The following FAM171A1 variants were observed in gnomAD, a reference collection of about 807,000 sequenced individuals.
FAM171A1 encodes the protein family with sequence similarity 171 member A1, also known as protein FAM171A1.
Under a neutral mutation model 74.9 loss-of-function variants are expected in FAM171A1, and 23 were observed. The observed-to-expected ratio is 0.31, with a 90% CI of 0.22 to 0.44. The LOEUF (loss-of-function observed/expected upper bound fraction) is 0.44. Ranked by LOEUF, FAM171A1 falls within the 20% of genes least tolerant of loss-of-function variation. The pLI is 1.00. For missense variants in FAM171A1, 1,162 were observed against 1,159.2 expected, an observed-to-expected ratio of 1.00 and a Z score of -0.03; for synonymous variants, 527 against 505.7, an observed-to-expected ratio of 1.04 and a Z score of -0.57.
At chr10:15,235,328 AACCTC>A in intron 5 of FAM171A1, among the ~76,000 whole-genome samples, 1 of 142,622 alleles carries the variant, frequency 7.0e-6, no homozygotes, top group South Asian at 2.3e-4. Context: ...AAAAAAAAAA[AACCTC>A]TGATATCCAG....
intron 1 of FAM171A1, among the ~76,000 whole-genome samples, chr10:15,287,531 G>C (rs192207425): frequency 2.3e-4 from 35 of 152,074 alleles, no homozygotes; most frequent in Middle Eastern, 6.8e-3. Flanking sequence ...GGGACTACAG[G>C]CGCCTGCCAC....
intron 6 of FAM171A1, among the ~76,000 whole-genome samples, chr10:15,220,410 T>TA (rs11394967): frequency 0.026 from 3,999 of 152,072 alleles, 166 homozygotes; most frequent in African/African-American, 0.091. Context: ...TAACATAGGT[T>TA]AAAAAAAATA....
chr10:15,288,829 T>TTTTTC (rs1213150350), intron 1 of FAM171A1, among the ~76,000 whole-genome samples: 2 of 136,186 alleles, frequency 1.5e-5, no homozygotes, highest in Non-Finnish European at 1.6e-5. Context: ...TTTTTTTTTT[T>TTTTTC]TTTTTTTTTT....
chr10:15,217,639 ATT>A (rs112034740), intron 6 of FAM171A1, among the ~76,000 whole-genome samples: 3 of 145,240 alleles, frequency 2.1e-5, no homozygotes, highest in Non-Finnish European at 1.5e-5. Context: ...CAGAGAAACA[ATT>A]TTTTTTTTTT....
chr10:15,243,486 G>A (rs968071451), intron 5 of FAM171A1, among the ~76,000 whole-genome samples: 1 of 152,020 alleles, frequency 6.6e-6, no homozygotes, highest in Non-Finnish European at 1.5e-5. Flanking sequence ...AAAGTCCACC[G>A]AGGAAAGCAA....
chr10:15,275,775 T>A, intron 3 of FAM171A1, 80 bp downstream of exon 3: 1 of 925,966 alleles, frequency 1.1e-6, no homozygotes, highest in Non-Finnish European at 1.6e-6. Context: ...AAACATCACA[T>A]CACATTGTAC....
chr10:15,214,233 G>A lies in FAM171A1; in HGVS notation c.1355C>T (p.Thr452Met), dbSNP rs755754871. Residue 452 changes from threonine (T) to methionine (M), a missense_variant, in exon 8 of 8, where the codon ACG becomes ATG. By Grantham distance (81) the Thr-to-Met change is moderately conservative. Transcript: ENST00000378116. ...ISFDNLTPSGTLGKDYHKSVE... is the reference protein window; with the variant it reads ...ISFDNLTPSGMLGKDYHKSVE... ...TGACTTATGGTAGTCTTTCCCCAGC[G>A]TCCCACTTGGAGTGAGGTTATCAAA... 9 of 1,613,984 alleles carry A rather than the reference G, an allele frequency of 5.6e-6. No homozygotes were observed. The highest frequency in any genetic ancestry group is 2.2e-5 in the East Asian group (1 of 44,888).
intron 5 of FAM171A1, among the ~76,000 whole-genome samples, chr10:15,246,674 A>G (rs1221294785): frequency 1.3e-5 from 2 of 152,188 alleles, no homozygotes; most frequent in Non-Finnish European, 2.9e-5. Context: ...GACATGTACC[A>G]CCACAGCTGG....
chr10:15,298,100 A>G (rs1835182200), intron 1 of FAM171A1, among the ~76,000 whole-genome samples: 1 of 152,206 alleles, frequency 6.6e-6, no homozygotes, highest in Non-Finnish European at 1.5e-5. Context: ...TATACATTTG[A>G]CAGCAAAACT....
intron 1 of FAM171A1, among the ~76,000 whole-genome samples, chr10:15,319,752 T>G (rs7080750): frequency 0.77 from 117,564 of 152,022 alleles, 45,534 homozygotes; most frequent in East Asian, 0.92. Flanking sequence ...ATTTTGAACC[T>G]AGACCTTCTC....
chr10:15,237,412 C>T (rs1431206685), intron 5 of FAM171A1: 1 of 152,038 alleles, frequency 6.6e-6, no homozygotes, highest in East Asian at 1.9e-4. Context: ...TTAATGATTC[C>T]TAGGAATGGA....
At chr10:15,274,585 T>A (rs1203555500) in intron 3 of FAM171A1, among the ~76,000 whole-genome samples, 1 of 152,122 alleles carries the variant, frequency 6.6e-6, no homozygotes, top group Non-Finnish European at 1.5e-5. Flanking sequence ...CAAGACAATC[T>A]TAAGCCAAAA....
At chr10:15,222,427 C>T (rs989740981) in intron 5 of FAM171A1, among the ~76,000 whole-genome samples, 2 of 152,288 alleles carry the variant, frequency 1.3e-5, no homozygotes, top group East Asian at 3.9e-4. Flanking sequence ...CGTGTGACTG[C>T]GCTGAATACC....
rs1211624912 is a variant in FAM171A1, at chr10:15,371,191, C to T, written c.-139G>A. ...GCCCGCCGCCCGATTGGCCCGGCCC[C>T]GCCGCCCCGGCCGCTCCCTCCCGCG... On this transcript the variant is annotated 5_prime_UTR_variant, in exon 1 of 8. Transcript: ENST00000378116. 1.1e-5 allele frequency: 2 copies of T among 174,562 alleles called. No individual in the cohort carries two copies. Among genetic ancestry groups the T allele is most frequent in the Non-Finnish European group, 2.2e-5 (2 of 91,542 alleles). 10.8% of individuals were successfully genotyped at this position (174,562 alleles called of 1,614,324 possible). A position where few individuals can be genotyped will look rare whatever the true frequency, so the allele number is the denominator to read the frequency against.
intron 5 of FAM171A1, among the ~76,000 whole-genome samples, chr10:15,229,692 A>C (rs373383380): frequency 0.042 from 4,582 of 109,150 alleles, 616 homozygotes; most frequent in Middle Eastern, 0.068. Flanking sequence ...CACCATCACC[A>C]CCATCACCAT....
intron 1 of FAM171A1, among the ~76,000 whole-genome samples, chr10:15,338,892 C>T (rs1835733121): frequency 6.6e-6 from 1 of 152,184 alleles, no homozygotes; most frequent in African/African-American, 2.4e-5. Context: ...AGGCATGCGC[C>T]ACCACGCCTA....
intron 1 of FAM171A1, among the ~76,000 whole-genome samples, chr10:15,331,344 AGAG>A (rs1445305071): frequency 2.6e-5 from 4 of 152,210 alleles, no homozygotes; most frequent in African/African-American, 9.6e-5. Flanking sequence ...CTCAAAAGTT[AGAG>A]GAGTCAGAAG....
intron 1 of FAM171A1, among the ~76,000 whole-genome samples, chr10:15,329,075 G>A (rs1835594931): frequency 6.6e-6 from 1 of 152,172 alleles, no homozygotes; most frequent in Admixed American, 6.5e-5. Context: ...GTGACAGGTG[G>A]GAGGACGCCC....
chr10:15,371,484 T>C (rs1554759144), upstream of FAM171A1, among the ~76,000 whole-genome samples: 1 of 151,700 alleles, frequency 6.6e-6, no homozygotes, highest in Non-Finnish European at 1.5e-5. Flanking sequence ...AGACCTGCCT[T>C]TCAGGGCGGA....
Sources: gnomAD v4.1 joint callset for allele counts (sites outside exome capture counted in the v4.1 genomes callset) on GRCh38, gnomAD v4.1.1 for gene constraint, MANE v1.5 for transcripts, NCBI Gene and HGNC (gene_info 2026-07-23, HGNC 2026-07-21) for gene names.